The following PRKN variants were observed in gnomAD, a reference collection of about 807,000 sequenced individuals.
The protein encoded by PRKN is parkin RBR E3 ubiquitin protein ligase.
In PRKN, 56 loss-of-function variants were observed where a neutral mutation model predicts 59.5. The ratio of observed to expected loss-of-function variants is 0.94; its 90% CI spans 0.76 to 1.18. The LOEUF is 1.18. PRKN is among the 50% of genes most tolerant of loss of function. PRKN has a pLI of 0.00. For synonymous variants in PRKN, 250 were observed against 222.1 expected (o/e 1.13, Z -1.12); for missense variants, 657 against 596.4 (o/e 1.10, Z -1.06).
At chr6:161,757,058 T>C (rs1788957519) in intron 7 of PRKN, among the ~76,000 whole-genome samples, 1 of 152,202 alleles carries the variant, frequency 6.6e-6, no homozygotes, top group African/African-American at 2.4e-5. Context: ...GAAACTTTGA[T>C]TCCTAACTTG....
chr6:162,290,777 G>GA (rs1389964703), intron 2 of PRKN, among the ~76,000 whole-genome samples: 8 of 152,092 alleles, frequency 5.3e-5, no homozygotes, highest in Non-Finnish European at 1.2e-4. Context: ...CCAGGAGAAG[G>GA]AAAATACAAA....
Position 161,582,370 on chromosome 6 carries a change from C to T in PRKN, c.872-12954G>A, listed in dbSNP as rs919140660. Among the ~76,000 whole-genome samples the T allele has an allele frequency of 1.3e-4, 19 of 151,920 alleles. No individual in the cohort carries two copies. The highest frequency in any genetic ancestry group is 4.2e-4 in the South Asian group (2 of 4,806). ...AAGATCTATACATTACAATGTTGGG[C>T]GCAGCAGATATAATCTGAACTAGGA... On this transcript the variant is annotated intron_variant, in intron 7 of 11. Transcript: ENST00000366898. The surrounding 1 kb of genome is among the most constrained non-coding windows in gnomAD (Gnocchi z 4.4).
chr6:162,114,344 T>C (rs1188206179), intron 4 of PRKN, among the ~76,000 whole-genome samples: 1 of 151,724 alleles, frequency 6.6e-6, no homozygotes, highest in East Asian at 1.9e-4. Flanking sequence ...TTCCTACCCA[T>C]GAGCATGGAA....
chr6:161,606,723 G>A (rs1276404398), intron 7 of PRKN, among the ~76,000 whole-genome samples: 4 of 152,276 alleles, frequency 2.6e-5, no homozygotes, highest in East Asian at 1.9e-4. Flanking sequence ...CAGCACCACC[G>A]GAAGGCCCAG....
At chr6:161,820,017 A>C (rs1791954044) in intron 6 of PRKN, among the ~76,000 whole-genome samples, 1 of 152,188 alleles carries the variant, frequency 6.6e-6, no homozygotes, top group African/African-American at 2.4e-5. Context: ...AGCTCTTACA[A>C]TTTAGTAAAA....
chr6:162,643,715 G>C (rs2849550), intron 1 of PRKN, among the ~76,000 whole-genome samples: 1 of 151,838 alleles, frequency 6.6e-6, no homozygotes, highest in Non-Finnish European at 1.5e-5. Context: ...GAATATAGTG[G>C]CTTTCATTAA....
intron 1 of PRKN, among the ~76,000 whole-genome samples, chr6:162,526,281 A>AC (rs2128194947): frequency 6.6e-6 from 1 of 151,784 alleles, no homozygotes; most frequent in East Asian, 1.9e-4. Flanking sequence ...GAAAAAAAAA[A>AC]ACAACTACTA....
intron 6 of PRKN, among the ~76,000 whole-genome samples, chr6:161,876,565 C>T (rs891245178): frequency 1.3e-5 from 2 of 152,178 alleles, no homozygotes; most frequent in African/African-American, 4.8e-5. Flanking sequence ...CTTTCTCCTT[C>T]GCATTTCAAA....
chr6:162,555,586 T>C (rs949285022), intron 1 of PRKN, among the ~76,000 whole-genome samples: 10 of 152,090 alleles, frequency 6.6e-5, no homozygotes, highest in African/African-American at 1.4e-4. Context: ...ACTCAAGATA[T>C]GTCATGTTTC....
chr6:162,117,679 G>C (rs1430448482), intron 4 of PRKN, among the ~76,000 whole-genome samples: 1 of 152,204 alleles, frequency 6.6e-6, no homozygotes, highest in African/African-American at 2.4e-5. Flanking sequence ...CCTCAAGATG[G>C]AATCCCAACA....
At chr6:162,644,605 T>C (rs1778093298) in intron 1 of PRKN, among the ~76,000 whole-genome samples, 1 of 152,072 alleles carries the variant, frequency 6.6e-6, no homozygotes, top group Non-Finnish European at 1.5e-5. Context: ...AGAACAAGAT[T>C]CCCATAAATA....
At position 161,426,585 on chromosome 6, in the gene PRKN, A is replaced by G. The variant is rs545675636; in HGVS notation, c.1084-39708T>C. 3.3e-5 allele frequency among the ~76,000 whole-genome samples: 5 copies of G among 150,544 alleles called. No homozygotes were observed. The South Asian group carries it at 8.4e-4, about 25-fold the overall frequency. ...GCTCTCCTAGCTCCTCAGCTTGCAGATGGCCTATTGTGGGACCTTGTGATC... is the reference window on the plus strand; with the variant it reads ...GCTCTCCTAGCTCCTCAGCTTGCAGGTGGCCTATTGTGGGACCTTGTGATC... On this transcript the variant is annotated intron_variant, in intron 9 of 11. Transcript: ENST00000366898.
chr6:162,067,243 A>G (rs530585302), intron 4 of PRKN, among the ~76,000 whole-genome samples: 1 of 152,234 alleles, frequency 6.6e-6, no homozygotes, highest in Non-Finnish European at 1.5e-5. Context: ...CTCACATTAC[A>G]TAAGTCACTG....
rs987450833 is a variant in PRKN, at chr6:161,566,214, C to T, written c.933+3141G>A. 3.9e-5 allele frequency among the ~76,000 whole-genome samples: 6 copies of T among 152,168 alleles called. No individual in the cohort carries two copies. Among genetic ancestry groups the T allele is most frequent in the African/African-American group, 7.2e-5 (3 of 41,452 alleles). On this transcript the variant is annotated intron_variant, in intron 8 of 11. Coordinates refer to ENST00000366898, the MANE Select transcript of PRKN (RefSeq NM_004562.3). This position sits in a 1 kb window ranked among gnomAD's most constrained non-coding sequence, Gnocchi z 4.1. ...GGTTCACCTCTCACATGAATCCATTCGAGGCAGGCTTTCCCCTCACTGCCC... is the reference window on the plus strand; with the variant it reads ...GGTTCACCTCTCACATGAATCCATTTGAGGCAGGCTTTCCCCTCACTGCCC...
At chr6:161,746,773 ATGTC>A (rs1250653871) in intron 7 of PRKN, among the ~76,000 whole-genome samples, 13 of 144,902 alleles carry the variant, frequency 9.0e-5, no homozygotes, top group African/African-American at 3.4e-4. Flanking sequence ...ATAGATATAT[ATGTC>A]TATATCTAGA....
intron 5 of PRKN, among the ~76,000 whole-genome samples, chr6:162,041,410 C>G (rs1182442212): frequency 6.6e-6 from 1 of 152,186 alleles, no homozygotes. Context: ...TCTTTAGCCA[C>G]AAAGCACTAT....
At chr6:161,970,188 C>A (rs1478376170) in intron 6 of PRKN, among the ~76,000 whole-genome samples, 2 of 151,616 alleles carry the variant, frequency 1.3e-5, no homozygotes, top group Admixed American at 6.6e-5. Context: ...ACTACAGGTG[C>A]ATGCCATCAT....
Position 162,401,989 on chromosome 6 carries a change from C to A in PRKN, c.171+41321G>T, listed in dbSNP as rs187004561. Among the ~76,000 whole-genome samples the A allele has an allele frequency of 5.1e-4, 78 of 152,188 alleles. 1 individual carries two copies. Among genetic ancestry groups the A allele is most frequent in the African/African-American group, 1.7e-3 (72 of 41,540 alleles). ...GTGTTGCCGGGTGAAGTGGCTCATC[C>A]CAGTAATCCCAGCACTTTGAGAGGC... On this transcript the variant is annotated intron_variant, in intron 2 of 11. Transcript: ENST00000366898.
chr6:161,545,535 C>G lies in PRKN; in HGVS notation c.1083+3319G>C. On this transcript the variant is annotated intron_variant, in intron 9 of 11. Coordinates refer to ENST00000366898, the MANE Select transcript of PRKN (RefSeq NM_004562.3). The surrounding 1 kb of genome is among the most constrained non-coding windows in gnomAD (Gnocchi z 4.1). Reference sequence around the variant, plus strand: ...AAATGACATAATCTAACCACAATTTCTTCCAGACAATGGCTTTCCATTACA... The same window carrying G: ...AAATGACATAATCTAACCACAATTTGTTCCAGACAATGGCTTTCCATTACA... 1.1e-6 allele frequency: 1 copy of G among 891,490 alleles called. No homozygotes were observed. The highest frequency in any genetic ancestry group is 1.4e-5 in the South Asian group (1 of 71,044). The allele number at this position is 891,490 out of a possible 1,614,324, so 55.2% of individuals were successfully genotyped here. A position where few individuals can be genotyped will look rare whatever the true frequency, so the allele number is the denominator to read the frequency against.
Sources: gnomAD v4.1 joint callset for allele counts (sites outside exome capture counted in the v4.1 genomes callset) on GRCh38, gnomAD v4.1.1 for gene constraint, Gnocchi (gnomAD v3.1) non-coding constraint, MANE v1.5 for transcripts, NCBI Gene and HGNC (gene_info 2026-07-23, HGNC 2026-07-21) for gene names.